The following TXNRD2 variants were observed in gnomAD, a reference collection of about 807,000 sequenced individuals.
The protein encoded by TXNRD2 is thioredoxin reductase 2, mitochondrial.
In TXNRD2, 67 loss-of-function variants were observed where a neutral mutation model predicts 70.8. The observed-to-expected ratio is 0.95, with a 90% CI of 0.78 to 1.16. TXNRD2 has a LOEUF of 1.16. Ranked by LOEUF, TXNRD2 falls within the 50% of genes most tolerant of loss-of-function variation. TXNRD2 has a pLI of 0.00. For missense variants in TXNRD2, 644 were observed against 719.9 expected (o/e 0.89, Z 1.21); for synonymous variants, 301 against 295.8 (o/e 1.02, Z -0.18).
intron 11 of TXNRD2, among the ~76,000 whole-genome samples, chr22:19,886,083 C>T (rs117016540): frequency 0.015 from 2,276 of 152,364 alleles, 21 homozygotes; most frequent in Non-Finnish European, 0.023. Context: ...GGCACAGACA[C>T]GCCTGGCCCT....
chr22:19,890,923 C>T (rs1044183680), intron 11 of TXNRD2, among the ~76,000 whole-genome samples: 6 of 152,046 alleles, frequency 3.9e-5, no homozygotes, highest in African/African-American at 7.2e-5. Flanking sequence ...TCCTGGGCAC[C>T]GCCAGCCCCC....
rs1349036994 is a variant in TXNRD2, at chr22:19,911,318, G to T, written c.662+59C>A. On this transcript the variant is annotated intron_variant, in intron 8 of 17. Coordinates refer to ENST00000400521, the MANE Select transcript of TXNRD2 (RefSeq NM_006440.5). ...CCCAGCACCAGCACAGGCTCTAAGG[G>T]TCCAGTGCTCACTCTGGTGAACAAA... The T allele has an allele frequency of 2.8e-5, 37 of 1,339,054 alleles. 1 individual carries two copies. In the Admixed American group the frequency reaches 3.5e-4, roughly 13 times the overall value. The allele number at this position is 1,339,054 out of a possible 1,614,324, so 82.9% of individuals were successfully genotyped here.
intron 14 of TXNRD2, among the ~76,000 whole-genome samples, chr22:19,879,556 G>T (rs1371669836): frequency 1.3e-5 from 2 of 150,594 alleles, no homozygotes; most frequent in Non-Finnish European, 3.0e-5. Context: ...GGGGGGCGGG[G>T]GGCGGGGGGC....
At chr22:19,919,749 G>C in intron 2 of TXNRD2, 150 bp from the exon 3 acceptor site, 1 of 779,346 alleles carries the variant, frequency 1.3e-6, no homozygotes, top group South Asian at 1.5e-5. Flanking sequence ...CGCAATGCTA[G>C]GGACCCCTGA....
intron 11 of TXNRD2, chr22:19,894,238 G>A (rs897414676): frequency 1.3e-5 from 2 of 152,284 alleles, no homozygotes; most frequent in Non-Finnish European, 2.9e-5. Context: ...GACACACAGT[G>A]AAGGGTGAGT....
chr22:19,878,686 G>A (rs1238443533), intron 14 of TXNRD2, among the ~76,000 whole-genome samples: 2 of 152,240 alleles, frequency 1.3e-5, no homozygotes, highest in Non-Finnish European at 2.9e-5. Context: ...ACCCAGGCCT[G>A]GGACCCCCGT....
At chr22:19,933,995 G>C (rs889607107) in intron 1 of TXNRD2, among the ~76,000 whole-genome samples, 2 of 145,742 alleles carry the variant, frequency 1.4e-5, no homozygotes, top group Non-Finnish European at 3.1e-5. Flanking sequence ...CAGGAGCCCA[G>C]AGCTCATAGC....
At position 19,893,464 on chromosome 22, in the gene TXNRD2, C is replaced by T. The variant is rs910578003; in HGVS notation, c.949+1943G>A. Among the ~76,000 whole-genome samples the T allele has an allele frequency of 5.9e-5, 9 of 152,238 alleles. No homozygotes were observed. In the South Asian group the frequency reaches 8.3e-4, roughly 14 times the overall value. ...GCCGCCACCCACCCTGACGAGGACC[C>T]GCAGCCCTCCTTGCGGCGGCCCATC... On this transcript the variant is annotated intron_variant, in intron 11 of 17. Coordinates refer to ENST00000400521, the MANE Select transcript of TXNRD2 (RefSeq NM_006440.5).
At chr22:19,890,266 C>T (rs1288964945) in intron 11 of TXNRD2, among the ~76,000 whole-genome samples, 1 of 152,226 alleles carries the variant, frequency 6.6e-6, no homozygotes, top group Non-Finnish European at 1.5e-5. Flanking sequence ...CATGAATGTT[C>T]ATCTTGGCCC....
intron 7 of TXNRD2, among the ~76,000 whole-genome samples, chr22:19,912,257 TAA>T (rs1940445751): frequency 6.6e-6 from 1 of 151,860 alleles, no homozygotes; most frequent in African/African-American, 2.4e-5. Flanking sequence ...CAAAAAAAAA[TAA>T]AGTCAGGAAT....
At position 19,941,681 on chromosome 22, in the gene TXNRD2, ACGCCCCGACCCCATCCTACCTGCTG is replaced by A; in HGVS notation, c.98_103+19del. The A allele has an allele frequency of 6.9e-7, 1 of 1,459,594 alleles. No individual in the cohort carries two copies. Among genetic ancestry groups the A allele is most frequent in the Non-Finnish European group, 9.0e-7 (1 of 1,113,400 alleles). 90.4% of individuals were successfully genotyped at this position (1,459,594 alleles called of 1,614,324 possible). A position where few individuals can be genotyped will look rare whatever the true frequency, so the allele number is the denominator to read the frequency against. On this transcript the variant is annotated splice_donor_variant and splice_donor_5th_base_variant and coding_sequence_variant and intron_variant, in exon 1 of 18. Coordinates refer to ENST00000400521, the MANE Select transcript of TXNRD2 (RefSeq NM_006440.5). LOFTEE classifies it high-confidence loss of function. ...GGCCGCGCGGACACCTACCGCGGGG[ACGCCCCGACCCCATCCTACCTGCTG>A]CGCCCCGCGCCGCGCCCCGCACCCC...
rs188258380 is a variant in TXNRD2 at position 19,911,377 on chromosome 22, G to A, written c.662C>T (p.Thr221Met). 4.0e-5 allele frequency: 65 copies of A among 1,613,536 alleles called. No individual in the cohort carries two copies. The African/African-American group carries it at 5.3e-4, about 13-fold the overall frequency. The change falls in exon 8 of 18, where the codon ACG (threonine) becomes ATG (methionine). Residue 221 changes from threonine (T) to methionine (M), a missense_variant and splice_region_variant. By Grantham distance (81) the Thr-to-Met change is moderately conservative (BLOSUM62 -1). This residue lies in a region of TXNRD2 where 566 missense variants were observed against 645.0 expected (regional missense o/e 0.88). Transcript: ENST00000400521. ...CCCACCAAGCACGCGCAGGCCTTAC[G>A]TTTTTCCAGGGGATTCCTTCAGCCA... ...IFWLKESPGK[T>M]LVVGASYVAL...
At chr22:19,941,526 T>C (rs2146119180) in intron 1 of TXNRD2, 175 bp downstream of exon 1, 2 of 1,154,232 alleles carry the variant, frequency 1.7e-6, no homozygotes. Flanking sequence ...GGGGGCTACT[T>C]GTGGCTAGAA....
rs1466625937 is a variant in TXNRD2, at chr22:19,900,574, C to T, written c.663-1506G>A. On this transcript the variant is annotated intron_variant, in intron 8 of 17. Transcript: ENST00000400521. ...GACCATCCTGGCTAACATGGTGAAACCCCATCTCTACTAAAAATACAAAAA... is the reference window on the plus strand; with the variant it reads ...GACCATCCTGGCTAACATGGTGAAATCCCATCTCTACTAAAAATACAAAAA... 1.3e-5 allele frequency among the ~76,000 whole-genome samples: 2 copies of T among 152,082 alleles called. 1 individual carries two copies. The highest frequency in any genetic ancestry group is 4.2e-4 in the South Asian group (2 of 4,818).
chr22:19,877,030 A>T lies in TXNRD2; in HGVS notation c.*65+10T>A. The T allele has an allele frequency of 6.6e-7, 1 of 1,523,788 alleles. No individual in the cohort carries two copies. Among genetic ancestry groups the T allele is most frequent in the East Asian group, 2.3e-5 (1 of 42,710 alleles). The allele number at this position is 1,523,788 out of a possible 1,614,324, so 94.4% of individuals were successfully genotyped here. ...CCTGTCCTCAAACAGAGCCAGCCCCACCTGCATACCTGGGTCTGGCCTCCG... is the reference window on the plus strand; with the variant it reads ...CCTGTCCTCAAACAGAGCCAGCCCCTCCTGCATACCTGGGTCTGGCCTCCG... On this transcript the variant is annotated intron_variant, in intron 17 of 17. Coordinates refer to ENST00000400521, the MANE Select transcript of TXNRD2 (RefSeq NM_006440.5).
At chr22:19,883,271 G>T in intron 12 of TXNRD2, 54 bp downstream of exon 12, 1 of 1,601,452 alleles carries the variant, frequency 6.2e-7, no homozygotes, top group Non-Finnish European at 8.5e-7. Context: ...CCAGCGAGCA[G>T]GGGTGGTGGA....
intron 11 of TXNRD2, among the ~76,000 whole-genome samples, chr22:19,888,743 G>T (rs2145952368): frequency 6.6e-6 from 1 of 152,314 alleles, no homozygotes; most frequent in South Asian, 2.1e-4. Flanking sequence ...GAGGCATGTG[G>T]CCCCCAGAGC....
intron 3 of TXNRD2, 67 bp from the exon 4 acceptor site, chr22:19,919,071 T>C: frequency 6.5e-7 from 1 of 1,537,344 alleles, no homozygotes. Context: ...CCTGTTCTTC[T>C]AGAGTGTTTG....
intron 11 of TXNRD2, chr22:19,894,913 G>A (rs1269038727): frequency 1.1e-5 from 12 of 1,135,834 alleles, no homozygotes; most frequent in African/African-American, 8.0e-5. Context: ...GCTTGAACCC[G>A]GGAGGCGGAG....
Sources: allele counts gnomAD v4.1 joint callset (sites outside exome capture counted in the v4.1 genomes callset), GRCh38; gene constraint gnomAD v4.1.1; regional missense constraint gnomAD v4.1.1; transcripts MANE v1.5; gene names NCBI Gene and HGNC (gene_info 2026-07-23, HGNC 2026-07-21).